Variants in PARG observed in about 807,000 individuals in gnomAD.
PARG encodes the protein mitochondrial poly(ADP-ribose) glycohydrolase.
In PARG, 35 loss-of-function variants were observed where a neutral mutation model predicts 113.0. The ratio of observed to expected loss-of-function variants is 0.31; its 90% CI spans 0.24 to 0.41. The LOEUF is 0.41. Ranked by LOEUF, PARG falls within the 10% of genes least tolerant of loss-of-function variation. PARG has a pLI of 1.00. For synonymous variants in PARG, 330 were observed against 409.9 expected (o/e 0.81, Z 2.36); for missense variants, 797 against 1,169.4 (o/e 0.68, Z 4.64).
intron 4 of PARG, among the ~76,000 whole-genome samples, chr10:49,927,370 GAAA>G (rs1838242859): frequency 3.0e-4 from 2 of 6,618 alleles, no homozygotes; most frequent in Non-Finnish European, 7.8e-4. Flanking sequence ...AGGAAAGAAG[GAAA>G]GAAAGAAAGA....
chr10:49,933,215 T>A lies in PARG; in HGVS notation c.1233A>T (p.Thr411=). Residue 411 remains threonine, a synonymous_variant, in exon 3 of 18, where the codon ACA becomes ACT. Coordinates refer to ENST00000616448, the MANE Select transcript of PARG (RefSeq NM_003631.5). ...CTTTGGGCAGTCTCATGAAATGATC[T>A]GTGATTTTAGAATCCTTTTTTCCAT... ...KQHGKKDSKI[T]DHFMRLPKAE... is the part of the protein sequence containing the mutation. 6.3e-7 allele frequency: 1 copy of A among 1,588,110 alleles called. No homozygotes were observed.
intron 13 of PARG, among the ~76,000 whole-genome samples, chr10:49,853,279 G>A (rs1200085041): frequency 4.6e-5 from 7 of 151,170 alleles, no homozygotes; most frequent in Non-Finnish European, 8.9e-5. Flanking sequence ...CTCATGATCC[G>A]CCCGCCTCAG....
chr10:49,842,778 TTTGTAAATAA>T (rs1316448255), intron 14 of PARG, among the ~76,000 whole-genome samples: 4 of 152,288 alleles, frequency 2.6e-5, no homozygotes, highest in East Asian at 3.9e-4. Flanking sequence ...TTCATGCTGG[TTTGTAAATAA>T]TTGTAAATAA....
At chr10:49,911,347 T>C (rs535387857) in intron 7 of PARG, among the ~76,000 whole-genome samples, 2 of 152,116 alleles carry the variant, frequency 1.3e-5, no homozygotes, top group East Asian at 1.9e-4. Context: ...AGGACTTTTA[T>C]AACATATAGA....
intron 4 of PARG, among the ~76,000 whole-genome samples, chr10:49,927,078 G>A (rs1389698545): frequency 6.6e-6 from 1 of 152,074 alleles, no homozygotes; most frequent in African/African-American, 2.4e-5. Flanking sequence ...GGAGGTTGAG[G>A]AGGGTGGATC....
chr10:49,892,342 T>C (rs1206338422), intron 7 of PARG, among the ~76,000 whole-genome samples: 3 of 152,190 alleles, frequency 2.0e-5, no homozygotes, highest in Admixed American at 1.3e-4. Flanking sequence ...TATAAACAGA[T>C]GCATATTTCC....
chr10:49,889,189 G>C (rs1438882949), intron 7 of PARG, among the ~76,000 whole-genome samples: 62 of 151,068 alleles, frequency 4.1e-4, no homozygotes, highest in African/African-American at 1.5e-3. Context: ...TATTCTCCTG[G>C]TGTCTATTGA....
rs531469834 is a variant in PARG, at chr10:49,890,545, G to A, written c.1738-5250C>T. ...GGTCACTGACCTCATGAATCTCATG[G>A]CACAAAGCCCTATCCTCTCCCTGTG... On this transcript the variant is annotated intron_variant, in intron 7 of 17. Coordinates refer to ENST00000616448, the MANE Select transcript of PARG (RefSeq NM_003631.5). 4.6e-5 allele frequency among the ~76,000 whole-genome samples: 7 copies of A among 152,210 alleles called. No homozygotes were observed. The South Asian group carries it at 1.5e-3, about 32-fold the overall frequency.
chr10:49,916,098 C>T, intron 6 of PARG, 107 bp from the exon 7 acceptor site: 2 of 709,212 alleles, frequency 2.8e-6, no homozygotes, highest in African/African-American at 3.5e-5. Context: ...TAATGTTAGA[C>T]AAGCTTCCTA....
intron 7 of PARG, among the ~76,000 whole-genome samples, chr10:49,889,243 G>T (rs1847651501): frequency 6.6e-6 from 1 of 151,530 alleles, no homozygotes; most frequent in Admixed American, 6.6e-5. Flanking sequence ...ATTCTTTTCT[G>T]GTCATGAGGG....
chr10:49,938,100 TA>T (rs1338965598), intron 1 of PARG, among the ~76,000 whole-genome samples: 1,569 of 152,282 alleles, frequency 0.01, 29 homozygotes, highest in African/African-American at 0.035. Context: ...TAGAGTCAGA[TA>T]GTCTTGGATT....
At chr10:49,897,222 T>C (rs1462863411) in intron 7 of PARG, among the ~76,000 whole-genome samples, 2 of 152,214 alleles carry the variant, frequency 1.3e-5, no homozygotes, top group Non-Finnish European at 2.9e-5. Context: ...TTCTTACTTA[T>C]AAAATGAAAA....
In PARG at chr10:49,916,010, C is replaced by CA; in HGVS notation, c.1663-20dup. 7 of 1,402,726 alleles carry CA rather than the reference C, an allele frequency of 5.0e-6. No individual in the cohort carries two copies. Among genetic ancestry groups the CA allele is most frequent in the Non-Finnish European group, 6.9e-6 (7 of 1,011,908 alleles). The allele number at this position is 1,402,726 out of a possible 1,614,324, so 86.9% of individuals were successfully genotyped here. A position where few individuals can be genotyped will look rare whatever the true frequency, so the allele number is the denominator to read the frequency against. On this transcript the variant is annotated intron_variant, in intron 6 of 17. Coordinates refer to ENST00000616448, the MANE Select transcript of PARG (RefSeq NM_003631.5). ...TAGCATCCTGTGGAAAATGCAGAAACAAAAAAACGTCATGGTATGGCCAAG... is the reference window on the plus strand; with the variant it reads ...TAGCATCCTGTGGAAAATGCAGAAACAAAAAAAACGTCATGGTATGGCCAAG...
chr10:49,873,412 G>T (rs542449765), intron 9 of PARG, among the ~76,000 whole-genome samples: 1 of 147,354 alleles, frequency 6.8e-6, no homozygotes, highest in South Asian at 2.2e-4. Context: ...AAAAGTGGGG[G>T]GACTTTCAGT....
At chr10:49,894,204 ATTTTT>A (rs58141680) in intron 7 of PARG, among the ~76,000 whole-genome samples, 6 of 133,608 alleles carry the variant, frequency 4.5e-5, no homozygotes, top group African/African-American at 1.1e-4. Context: ...CAGCTAATTA[ATTTTT>A]TTTTTTTTTT....
At chr10:49,940,563 G>A (rs1838985667) in intron 1 of PARG, among the ~76,000 whole-genome samples, 1 of 151,670 alleles carries the variant, frequency 6.6e-6, no homozygotes, top group South Asian at 2.1e-4. Context: ...TGTTGCCCAG[G>A]CTGGAGTGCA....
intron 15 of PARG, among the ~76,000 whole-genome samples, chr10:49,834,001 A>G (rs965703095): frequency 1.3e-5 from 2 of 152,194 alleles, no homozygotes; most frequent in Non-Finnish European, 2.9e-5. Flanking sequence ...TCGATGGATT[A>G]ACAAGGCTAT....
At chr10:49,927,563 A>T (rs1838269867) in intron 4 of PARG, among the ~76,000 whole-genome samples, 1 of 152,132 alleles carries the variant, frequency 6.6e-6, no homozygotes, top group Non-Finnish European at 1.5e-5. Flanking sequence ...CATACAGAAG[A>T]ACAGCCTAAA....
chr10:49,891,619 ATATATTTTT>A (rs1364972628), intron 7 of PARG, among the ~76,000 whole-genome samples: 880 of 44,708 alleles, frequency 0.02, 1 homozygote, highest in Non-Finnish European at 0.027. Context: ...ATATATATAT[ATATATTTTT>A]TTTTTTTTTT....
Sources: gnomAD v4.1 joint callset for allele counts (sites outside exome capture counted in the v4.1 genomes callset) on GRCh38, gnomAD v4.1.1 for gene constraint, MANE v1.5 for transcripts, NCBI Gene and HGNC (gene_info 2026-07-23, HGNC 2026-07-21) for gene names.